CINP: variants seen among roughly 807,000 people sequenced by gnomAD.
CINP encodes the protein cyclin-dependent kinase 2-interacting protein.
Under a neutral mutation model 20.5 loss-of-function variants are expected in CINP, and 11 were observed. The observed-to-expected ratio is 0.54, with a 90% CI of 0.34 to 0.89. CINP has a LOEUF of 0.89. Among genes scored for constraint, CINP ranks in the 40% least tolerant of loss-of-function variants. CINP has a pLI of 0.02. For synonymous variants in CINP, 108 were observed against 102.1 expected, an observed-to-expected ratio of 1.06 and a Z score of -0.35; for missense variants, 213 against 251.0, an observed-to-expected ratio of 0.85 and a Z score of 1.02.
At chr14:102,362,528 TAC>T (rs1394504513) in intron 1 of CINP, 2 of 702,808 alleles carry the variant, frequency 2.8e-6, no homozygotes, top group African/African-American at 1.7e-5. Context: ...CAAGGCTTGG[TAC>T]CCAGTGAACT....
In CINP at chr14:102,348,348, G is replaced by A. The variant is rs3187466; in HGVS notation, c.*209C>T. 8 of 571,010 alleles carry A rather than the reference G, an allele frequency of 1.4e-5. No individual in the cohort carries two copies. Among genetic ancestry groups the A allele is most frequent in the Admixed American group, 3.1e-5 (1 of 31,828 alleles). The allele number at this position is 571,010 out of a possible 1,614,324, so 35.4% of individuals were successfully genotyped here. ...GAATGACAGATTCCCAGGAGGGGCA[G>A]AGAAGGCTGAGCAGCACCACGTGGG... is the stretch of plus-strand genomic sequence containing the variant. On this transcript the variant is annotated 3_prime_UTR_variant, in exon 5 of 5. Coordinates refer to ENST00000216756, the MANE Select transcript of CINP (RefSeq NM_032630.3).
At chr14:102,355,076 A>C (rs1385914540) in intron 3 of CINP, among the ~76,000 whole-genome samples, 1 of 152,016 alleles carries the variant, frequency 6.6e-6, no homozygotes, top group Non-Finnish European at 1.5e-5. Context: ...CTCAAAAAAA[A>C]AAAAAAAGAA....
At chr14:102,352,853 T>C (rs150908250) in intron 3 of CINP, among the ~76,000 whole-genome samples, 228 of 152,056 alleles carry the variant, frequency 1.5e-3, no homozygotes, top group African/African-American at 5.3e-3. Flanking sequence ...TTCACTATGT[T>C]GGCCATGCTG....
chr14:102,353,826 C>A (rs2403039), intron 3 of CINP, among the ~76,000 whole-genome samples: 91,402 of 151,886 alleles, frequency 0.6, 28,502 homozygotes, highest in Non-Finnish European at 0.7. Flanking sequence ...CCAGGGCTCA[C>A]ACCTGTGATC....
At chr14:102,361,306 C>T (rs12586673) in intron 1 of CINP, among the ~76,000 whole-genome samples, 38,870 of 151,976 alleles carry the variant, frequency 0.26, 5,785 homozygotes, top group East Asian at 0.49. Context: ...AGGACTAGTG[C>T]GTGAGTAGGT....
intron 4 of CINP, among the ~76,000 whole-genome samples, chr14:102,349,487 G>A (rs912183739): frequency 1.3e-5 from 2 of 152,112 alleles, no homozygotes; most frequent in Non-Finnish European, 2.9e-5. Flanking sequence ...GTTTACTGAA[G>A]CCATGGGTTT....
rs1597746392 is a variant in CINP, at chr14:102,350,783, C to T, written c.307-735G>A. Reference sequence around the variant, plus strand: ...TCTCTGTCTCTCTATCAAATGAGCTCGTTTCTGATGTTCTCTCTCTCTCTC... The same window carrying T: ...TCTCTGTCTCTCTATCAAATGAGCTTGTTTCTGATGTTCTCTCTCTCTCTC... On this transcript the variant is annotated intron_variant, in intron 3 of 4. Transcript: ENST00000216756. Among the ~76,000 whole-genome samples the T allele has an allele frequency of 1.3e-5, 2 of 150,264 alleles. 1 individual carries two copies. The highest frequency in any genetic ancestry group is 4.2e-4 in the South Asian group (2 of 4,750).
Position 102,348,619 on chromosome 14 carries a change from C to T in CINP, c.577G>A (p.Glu193Lys), listed in dbSNP as rs1182085806. ...LSMWLHQPYV[E>K]SDSRLHLESM... ...TCCAGATGCAGCCTGCTGTCGCTCT[C>T]CACATAGGGCTGGTGCAGCCACATG... Residue 193 changes from glutamate (E) to lysine (K), a missense_variant, in exon 5 of 5, where the codon GAG becomes AAG. Transcript: ENST00000216756. The T allele has an allele frequency of 1.2e-6, 2 of 1,613,940 alleles. No homozygotes were observed. Among genetic ancestry groups the T allele is most frequent in the South Asian group, 1.1e-5 (1 of 91,004 alleles).
chr14:102,362,492 A>G (rs1158782226), intron 1 of CINP: 3 of 698,242 alleles, frequency 4.3e-6, no homozygotes, highest in Non-Finnish European at 7.9e-6. Flanking sequence ...CAGTTCAGAG[A>G]GGAGTTTCTG....
intron 4 of CINP, among the ~76,000 whole-genome samples, chr14:102,349,068 C>T (rs769029091): frequency 2.6e-5 from 4 of 152,134 alleles, no homozygotes; most frequent in Non-Finnish European, 5.9e-5. Context: ...GCCTAGCCAT[C>T]GTGGCGAAAA....
At chr14:102,361,777 C>T (rs1305748525) in intron 1 of CINP, among the ~76,000 whole-genome samples, 1 of 152,136 alleles carries the variant, frequency 6.6e-6, no homozygotes, top group Non-Finnish European at 1.5e-5. Context: ...TTTGCACCAA[C>T]CTAATACAAT....
intron 2 of CINP, among the ~76,000 whole-genome samples, chr14:102,357,136 T>G (rs1887015255): frequency 6.6e-6 from 1 of 152,124 alleles, no homozygotes; most frequent in South Asian, 2.1e-4. Flanking sequence ...ATCCTAGCAC[T>G]TTGGGAGGCC....
chr14:102,362,181 C>T (rs994871659), intron 1 of CINP, among the ~76,000 whole-genome samples: 11 of 152,184 alleles, frequency 7.2e-5, no homozygotes, highest in Middle Eastern at 3.2e-3. Flanking sequence ...GTCAGCCTGA[C>T]TCATACGGGG....
rs577560074 is a variant in CINP, at chr14:102,355,818, C to T, written c.256G>A (p.Glu86Lys). 223 of 1,614,032 alleles carry T rather than the reference C, an allele frequency of 1.4e-4. 2 individuals are homozygous for T. The Admixed American group carries it at 3.5e-3, about 25-fold the overall frequency. ...NEEKVCLEYN[E>K]ELEKLCEELQ... ...TCCTCACACAGCTTCTCCAGTTCCT[C>T]GTTATATTCCAGACACACCTTTTCT... The change falls in exon 3 of 5, where the codon GAG becomes AAG. Residue 86 changes from glutamate (E) to lysine (K), a missense_variant. Physicochemically the swap from Glu to Lys is moderately conservative, Grantham distance 56. Transcript: ENST00000216756.
chr14:102,355,742 A>C (rs1886983889), intron 3 of CINP, 26 bp downstream of exon 3: 1 of 1,612,558 alleles, frequency 6.2e-7, no homozygotes. Flanking sequence ...CAGTGACCAC[A>C]AGTGGCCTGC....
In CINP at chr14:102,351,587, TAAGAA is replaced by T. The variant is rs1317361143; in HGVS notation, c.307-1544_307-1540del. ...ATACATAAATATGAAAAAGGGGAAA[TAAGAA>T]AAGATATATAAATTGTCAAATATCT... On this transcript the variant is annotated intron_variant, in intron 3 of 4. Coordinates refer to ENST00000216756, the MANE Select transcript of CINP (RefSeq NM_032630.3). The surrounding 1 kb of genome is among the most constrained non-coding windows in gnomAD (Gnocchi z 4.2). Among the ~76,000 whole-genome samples, 1 of 152,118 alleles carries T rather than the reference TAAGAA, an allele frequency of 6.6e-6. No individual in the cohort carries two copies. The highest frequency in any genetic ancestry group is 1.9e-4 in the East Asian group (1 of 5,198).
Position 102,351,354 on chromosome 14 carries a change from C to T in CINP, c.307-1306G>A, listed in dbSNP as rs1886869559. Among the ~76,000 whole-genome samples the T allele has an allele frequency of 6.6e-6, 1 of 152,162 alleles. No individual in the cohort carries two copies. Among genetic ancestry groups the T allele is most frequent in the African/African-American group, 2.4e-5 (1 of 41,450 alleles). On this transcript the variant is annotated intron_variant, in intron 3 of 4. Transcript: ENST00000216756. This position sits in a 1 kb window ranked among gnomAD's most constrained non-coding sequence, Gnocchi z 4.2. The stretch of plus-strand genomic sequence containing the variant: ...ACTAAACCAACCCCACTGCACACAC[C>T]AGGCAGCACAGAATAGGGGCAATGG...
intron 2 of CINP, among the ~76,000 whole-genome samples, chr14:102,357,725 A>C (rs114855626): frequency 0.018 from 2,816 of 152,362 alleles, 101 homozygotes; most frequent in African/African-American, 0.065. Flanking sequence ...TAAGGACAAA[A>C]GCCATCTCCA....
At chr14:102,358,215 A>C (rs1887041211) in intron 2 of CINP, among the ~76,000 whole-genome samples, 3 of 152,230 alleles carry the variant, frequency 2.0e-5, no homozygotes, top group African/African-American at 7.2e-5. Context: ...ATTCCTGGGA[A>C]AGACACTGTG....
Sources: allele counts gnomAD v4.1 joint callset (sites outside exome capture counted in the v4.1 genomes callset), GRCh38; gene constraint gnomAD v4.1.1; non-coding constraint Gnocchi (gnomAD v3.1); transcripts MANE v1.5; gene names NCBI Gene and HGNC (gene_info 2026-07-23, HGNC 2026-07-21).